The following STAG1 variants were observed in gnomAD, a reference collection of about 807,000 sequenced individuals.
STAG1 encodes cohesin subunit SA-1.
A neutral mutation model predicts 170.9 loss-of-function variants in STAG1; 26 were observed. That is an observed-to-expected ratio of 0.15 (90% CI 0.11 to 0.21). The LOEUF is 0.21. STAG1 is among the 10% of genes least tolerant of loss of function. The pLI is 1.00. For missense variants in STAG1, 964 were observed against 1,509.5 expected (o/e 0.64, Z 5.99); for synonymous variants, 514 against 497.7 (o/e 1.03, Z -0.44).
chr3:136,652,488 G>A (rs1941250989), intron 1 of STAG1, among the ~76,000 whole-genome samples: 1 of 152,120 alleles, frequency 6.6e-6, no homozygotes, highest in Non-Finnish European at 1.5e-5. Context: ...ATTCCATAAA[G>A]TTCAGAACAC....
chr3:136,368,833 A>G (rs141040275), intron 24 of STAG1, among the ~76,000 whole-genome samples: 106 of 152,232 alleles, frequency 7.0e-4, no homozygotes, highest in Admixed American at 3.1e-3. Flanking sequence ...TGAATGTATT[A>G]CTATTAACTT....
intron 1 of STAG1, among the ~76,000 whole-genome samples, chr3:136,711,087 T>C (rs1401083987): frequency 2.0e-5 from 3 of 151,626 alleles, no homozygotes; most frequent in Non-Finnish European, 4.4e-5. Context: ...ATACTTACTA[T>C]GGCATAAGAA....
chr3:136,396,286 C>T (rs1259594391), intron 22 of STAG1, among the ~76,000 whole-genome samples: 1 of 147,040 alleles, frequency 6.8e-6, no homozygotes, highest in African/African-American at 2.5e-5. Context: ...CGCGATCTCT[C>T]CGCTCACTTC....
chr3:136,557,698 A>G (rs973090863), intron 5 of STAG1, among the ~76,000 whole-genome samples: 35 of 151,944 alleles, frequency 2.3e-4, no homozygotes, highest in Admixed American at 1.9e-3. Context: ...GCCCACCACC[A>G]TGCCCAATTT....
At chr3:136,505,639 G>A (rs1482839396) in intron 7 of STAG1, among the ~76,000 whole-genome samples, 1 of 152,186 alleles carries the variant, frequency 6.6e-6, no homozygotes, top group Non-Finnish European at 1.5e-5. Context: ...ACTGAGCATT[G>A]TTCTAGTTAT....
intron 21 of STAG1, among the ~76,000 whole-genome samples, chr3:136,399,848 A>C (rs917519707): frequency 6.6e-6 from 1 of 152,222 alleles, no homozygotes; most frequent in African/African-American, 2.4e-5. Context: ...AAAACTAAGA[A>C]ATGTTTATAA....
Position 136,604,356 on chromosome 3 carries a change from G to C in STAG1, c.250C>G (p.Pro84Ala). 5.0e-6 allele frequency: 8 copies of C among 1,611,846 alleles called. No homozygotes were observed. Among genetic ancestry groups the C allele is most frequent in the South Asian group, 1.1e-5 (1 of 90,604 alleles). Residue 84 changes from proline (P) to alanine (A), a missense_variant, in exon 4 of 34, where the codon CCT (proline) becomes GCT (alanine). By Grantham distance (27) the Pro-to-Ala change is conservative. This residue lies in a region of STAG1 where 108 missense variants were observed against 120.2 expected (regional missense o/e 0.90). Transcript: ENST00000383202. ...GHPQQNGEGE[P>A]VTLFEVVKLG... ...TTCACCACCTCAAATAATGTGACAGGCTCCCCTTCCCCATTCTGTTGAGGG... is the reference window on the plus strand; with the variant it reads ...TTCACCACCTCAAATAATGTGACAGCCTCCCCTTCCCCATTCTGTTGAGGG...
intron 6 of STAG1, among the ~76,000 whole-genome samples, chr3:136,535,839 C>T (rs1935593783): frequency 6.6e-6 from 1 of 152,114 alleles, no homozygotes; most frequent in South Asian, 2.1e-4. Flanking sequence ...ATGTGAACTA[C>T]TATGTATCCA....
At chr3:136,559,947 A>G (rs1936774459) in intron 5 of STAG1, among the ~76,000 whole-genome samples, 1 of 152,274 alleles carries the variant, frequency 6.6e-6, no homozygotes, top group Non-Finnish European at 1.5e-5. Context: ...GTCATTTTCT[A>G]AATGGCTACT....
At chr3:136,559,345 C>T (rs1024461244) in intron 5 of STAG1, among the ~76,000 whole-genome samples, 2 of 151,970 alleles carry the variant, frequency 1.3e-5, no homozygotes, top group African/African-American at 4.8e-5. Flanking sequence ...CCACAAAATA[C>T]CAGTAATGCA....
At chr3:136,359,404 C>T (rs1201077157) in intron 26 of STAG1, 108 bp from the exon 27 acceptor site, 2 of 739,180 alleles carry the variant, frequency 2.7e-6, no homozygotes, top group African/African-American at 1.8e-5. Flanking sequence ...TGAAATGTTT[C>T]TCTTCTTGCA....
At chr3:136,646,869 G>A (rs1254576295) in intron 1 of STAG1, among the ~76,000 whole-genome samples, 2 of 151,922 alleles carry the variant, frequency 1.3e-5, no homozygotes, top group Non-Finnish European at 2.9e-5. Flanking sequence ...CCGAGATCAC[G>A]CCACTGCACT....
intron 9 of STAG1, among the ~76,000 whole-genome samples, chr3:136,489,209 A>G (rs1433146975): frequency 2.0e-5 from 3 of 152,262 alleles, no homozygotes; most frequent in Non-Finnish European, 4.4e-5. Flanking sequence ...GTTTGCTTCT[A>G]GGAAAAACTT....
chr3:136,740,449 T>C (rs888673862), intron 1 of STAG1, among the ~76,000 whole-genome samples: 1 of 152,224 alleles, frequency 6.6e-6, no homozygotes, highest in Non-Finnish European at 1.5e-5. Context: ...AAAATGTTTA[T>C]TGGCATATAG....
At chr3:136,683,674 A>T (rs542967941) in intron 1 of STAG1, among the ~76,000 whole-genome samples, 1 of 152,134 alleles carries the variant, frequency 6.6e-6, no homozygotes, top group Non-Finnish European at 1.5e-5. Context: ...CTTTTCGACA[A>T]TGTAATGGAA....
chr3:136,722,005 T>C (rs1933306911), intron 1 of STAG1, among the ~76,000 whole-genome samples: 1 of 152,004 alleles, frequency 6.6e-6, no homozygotes, highest in Non-Finnish European at 1.5e-5. Context: ...ACAGATCGCT[T>C]GAGCTTCCAA....
At chr3:136,542,319 T>C (rs1490761141) in intron 5 of STAG1, 124 bp from the exon 6 acceptor site, 2 of 675,242 alleles carry the variant, frequency 3.0e-6, no homozygotes, top group Non-Finnish European at 2.5e-6. Flanking sequence ...ATATATTTTA[T>C]ATTAAAACAT....
At chr3:136,403,646 G>T (rs1422906595) in intron 21 of STAG1, among the ~76,000 whole-genome samples, 2 of 152,116 alleles carry the variant, frequency 1.3e-5, no homozygotes, top group African/African-American at 4.8e-5. Context: ...AATTAAGCTG[G>T]AAAAGAGTAA....
chr3:136,704,821 C>CAAA (rs67207510), intron 1 of STAG1, among the ~76,000 whole-genome samples: 14 of 51,434 alleles, frequency 2.7e-4, no homozygotes, highest in Non-Finnish European at 3.6e-4. Context: ...GTCCCTGTCT[C>CAAA]AAAAAAAAAA....
Sources: allele counts gnomAD v4.1 joint callset (sites outside exome capture counted in the v4.1 genomes callset), GRCh38; gene constraint gnomAD v4.1.1; regional missense constraint gnomAD v4.1.1; transcripts MANE v1.5; gene names NCBI Gene and HGNC (gene_info 2026-07-23, HGNC 2026-07-21).